Variants in SCAMP5 observed in about 807,000 individuals in gnomAD.
SCAMP5 encodes the protein secretory carrier membrane protein 5, also known as secretory carrier-associated membrane protein 5.
SCAMP5 carries 7 observed loss-of-function variants against 28.3 expected under a neutral mutation model. The observed-to-expected ratio is 0.25, with a 90% CI of 0.14 to 0.46. SCAMP5 has a LOEUF of 0.46. SCAMP5 is among the 20% of genes least tolerant of loss of function. The pLI is 0.99. For synonymous variants in SCAMP5, 117 were observed against 116.4 expected, an observed-to-expected ratio of 1.00 and a Z score of -0.03; for missense variants, 192 against 312.5, an observed-to-expected ratio of 0.61 and a Z score of 2.91.
intron 1 of SCAMP5, among the ~76,000 whole-genome samples, chr15:75,005,979 C>G: frequency 7.7e-6 from 1 of 130,414 alleles, no homozygotes; most frequent in Admixed American, 8.2e-5. Flanking sequence ...GCCTCGGCCT[C>G]CCTTTTTTTT....
Position 75,003,299 on chromosome 15 carries a change from T to TA in SCAMP5, c.-49+7627dup, listed in dbSNP as rs138166278. Among the ~76,000 whole-genome samples, 244 of 152,348 alleles carry TA rather than the reference T, an allele frequency of 1.6e-3. 8 individuals are homozygous for TA. In the East Asian group the frequency reaches 0.043, roughly 27 times the overall value. The stretch of plus-strand genomic sequence containing the variant: ...TCTTAAAACTGATGATGTCATCAAT[T>TA]ATATGGAAATGGTATAAAGTTATAT... On this transcript the variant is annotated intron_variant, in intron 1 of 6. Coordinates refer to ENST00000425597, the MANE Select transcript of SCAMP5 (RefSeq NM_138967.4).
intron 1 of SCAMP5, among the ~76,000 whole-genome samples, chr15:75,000,998 C>T (rs1016415782): frequency 2.6e-5 from 4 of 152,134 alleles, no homozygotes; most frequent in Middle Eastern, 6.8e-3. Context: ...CGGTGGCTCA[C>T]GCCTGTAATC....
At chr15:75,002,624 T>C (rs1213100514) in intron 1 of SCAMP5, among the ~76,000 whole-genome samples, 1 of 151,970 alleles carries the variant, frequency 6.6e-6, no homozygotes, top group Non-Finnish European at 1.5e-5. Flanking sequence ...TCAGTGGCAT[T>C]ATCACATTTG....
At chr15:75,010,459 C>T (rs1364765827) in intron 1 of SCAMP5, among the ~76,000 whole-genome samples, 1 of 152,154 alleles carries the variant, frequency 6.6e-6, no homozygotes, top group African/African-American at 2.4e-5. Context: ...CACATCCTGC[C>T]CACCTTGCCT....
chr15:74,997,046 C>G (rs1040727811), intron 1 of SCAMP5, among the ~76,000 whole-genome samples: 1 of 152,108 alleles, frequency 6.6e-6, no homozygotes, highest in Non-Finnish European at 1.5e-5. Flanking sequence ...AAGTCACCTC[C>G]CCTCTCTGGG....
At chr15:75,017,435 A>G (rs1356359750) in intron 4 of SCAMP5, among the ~76,000 whole-genome samples, 1 of 152,106 alleles carries the variant, frequency 6.6e-6, no homozygotes, top group African/African-American at 2.4e-5. Context: ...CCAATTAGCT[A>G]CTGTTTTGGT....
rs948534365 is a variant in SCAMP5, at chr15:75,018,999, C to T, written c.*16C>T. On this transcript the variant is annotated 3_prime_UTR_variant, in exon 7 of 7. Transcript: ENST00000425597. This position sits in a 1 kb window ranked among gnomAD's most constrained non-coding sequence, Gnocchi z 5.6. ...TGAGATGTGAACCAGCCACGCCTACCAGGTGGCAGAGCTGGGGCCATTGGG... is the reference window on the plus strand; with the variant it reads ...TGAGATGTGAACCAGCCACGCCTACTAGGTGGCAGAGCTGGGGCCATTGGG... 6 of 1,482,702 alleles carry T rather than the reference C, an allele frequency of 4.0e-6. No individual in the cohort carries two copies. The South Asian group carries it at 4.4e-5, about 11-fold the overall frequency. 91.8% of individuals were successfully genotyped at this position (1,482,702 alleles called of 1,614,324 possible).
intron 1 of SCAMP5, among the ~76,000 whole-genome samples, chr15:74,999,715 T>C (rs888971824): frequency 1.3e-5 from 2 of 151,776 alleles, no homozygotes; most frequent in Non-Finnish European, 2.9e-5. Context: ...GGCAGGGGAA[T>C]TGCTTGAACC....
Position 75,018,421 on chromosome 15 carries a change from C to G in SCAMP5, c.399C>G (p.Gly133=). Reference sequence around the variant, plus strand: ...CCACACTGGCCTCTTCCTGCAGCGGCTGGATTGCTACCATCTCCTTCTTCG... The same window carrying G: ...CCACACTGGCCTCTTCCTGCAGCGGGTGGATTGCTACCATCTCCTTCTTCG... ...AVGIPGWGVC[G]WIATISFFGT... is the part of the protein sequence containing the mutation. The change falls in exon 6 of 7, where the codon GGC becomes GGG. Residue 133 remains glycine (G), a synonymous_variant. Coordinates refer to ENST00000425597, the MANE Select transcript of SCAMP5 (RefSeq NM_138967.4). The surrounding 1 kb of genome is among the most constrained non-coding windows in gnomAD (Gnocchi z 5.6). The G allele has an allele frequency of 6.2e-7, 1 of 1,610,924 alleles. No homozygotes were observed. Among genetic ancestry groups the G allele is most frequent in the African/African-American group, 1.3e-5 (1 of 74,978 alleles).
chr15:75,001,643 G>C (rs2065709290), intron 1 of SCAMP5, among the ~76,000 whole-genome samples: 1 of 152,004 alleles, frequency 6.6e-6, no homozygotes, highest in African/African-American at 2.4e-5. Flanking sequence ...GGTTGAGGTG[G>C]GTGGATCACG....
At chr15:75,014,314 G>C (rs1042173653) in intron 3 of SCAMP5, among the ~76,000 whole-genome samples, 23 of 152,194 alleles carry the variant, frequency 1.5e-4, no homozygotes, top group Non-Finnish European at 2.9e-5. Flanking sequence ...CTGAGAGAAG[G>C]GGGGATGGGA....
At chr15:75,004,558 T>A (rs1310866114) in intron 1 of SCAMP5, among the ~76,000 whole-genome samples, 1 of 151,462 alleles carries the variant, frequency 6.6e-6, no homozygotes, top group East Asian at 2.0e-4. Context: ...GGCGAAACCT[T>A]CTCTCTGCAA....
intron 2 of SCAMP5, among the ~76,000 whole-genome samples, chr15:75,012,131 C>T (rs997114542): frequency 1.3e-5 from 2 of 152,198 alleles, no homozygotes; most frequent in African/African-American, 4.8e-5. Flanking sequence ...TGGCTCAGCC[C>T]TCCTCCCCTC....
At chr15:75,004,945 G>A (rs1012500722) in intron 1 of SCAMP5, among the ~76,000 whole-genome samples, 6 of 152,198 alleles carry the variant, frequency 3.9e-5, no homozygotes, top group African/African-American at 9.7e-5. Flanking sequence ...GGAAGGCGGA[G>A]TTGGGCGGAT....
chr15:75,017,041 G>A (rs1414270964), intron 4 of SCAMP5, among the ~76,000 whole-genome samples: 1 of 151,866 alleles, frequency 6.6e-6, no homozygotes, highest in African/African-American at 2.4e-5. Flanking sequence ...TCAGGCAGCT[G>A]CATGTTAAAT....
At chr15:75,007,520 T>TG (rs1449640076) in intron 1 of SCAMP5, 1 of 152,140 alleles carries the variant, frequency 6.6e-6, no homozygotes, top group East Asian at 1.9e-4. Flanking sequence ...CATGAGAAGC[T>TG]GGGACTACAG....
chr15:74,995,990 C>G (rs896626271), intron 1 of SCAMP5: 1 of 152,522 alleles, frequency 6.6e-6, no homozygotes, highest in Non-Finnish European at 1.5e-5. Context: ...GGCCCTCCAT[C>G]CCCCCCGCCA....
chr15:75,012,630 C>T (rs374408199), intron 2 of SCAMP5, 47 bp from the exon 3 acceptor site: 46 of 1,610,440 alleles, frequency 2.9e-5, no homozygotes, highest in Admixed American at 8.3e-5. Context: ...CTTGGATTGT[C>T]GGGTGGAAGA....
chr15:74,998,656 C>T (rs550445899), intron 1 of SCAMP5, among the ~76,000 whole-genome samples: 1 of 151,476 alleles, frequency 6.6e-6, no homozygotes, highest in South Asian at 2.1e-4. Context: ...TGATTGCTGT[C>T]TTCCCCTCCA....
Sources: gnomAD v4.1 joint callset for allele counts (sites outside exome capture counted in the v4.1 genomes callset) on GRCh38, gnomAD v4.1.1 for gene constraint, Gnocchi (gnomAD v3.1) non-coding constraint, MANE v1.5 for transcripts, NCBI Gene and HGNC (gene_info 2026-07-23, HGNC 2026-07-21) for gene names.